Variants in KCNQ5 observed in about 807,000 individuals in gnomAD.
KCNQ5 encodes the protein potassium voltage-gated channel subfamily Q member 5.
A neutral mutation model predicts 98.2 loss-of-function variants in KCNQ5; 30 were observed. The observed-to-expected ratio is 0.31, with a 90% CI of 0.23 to 0.41. The LOEUF (loss-of-function observed/expected upper bound fraction) is 0.41, where lower values mean the gene tolerates loss of function less well. Ranked by LOEUF, KCNQ5 falls within the 10% of genes least tolerant of loss-of-function variation. The probability of loss-of-function intolerance (pLI) is 1.00; values close to 1 mark genes in which losing one functional copy is unlikely to be tolerated. For synonymous variants in KCNQ5, 458 were observed against 449.4 expected (o/e 1.02, Z -0.24); for missense variants, 835 against 1,182.5 (o/e 0.71, Z 4.31).
chr6:72,894,940 G>A (rs543709277), intron 1 of KCNQ5, among the ~76,000 whole-genome samples: 1 of 152,012 alleles, frequency 6.6e-6, no homozygotes, highest in African/African-American at 2.4e-5. Flanking sequence ...TTAGCTGGGA[G>A]TGTCCATGAG....
At chr6:72,903,663 T>C (rs1779592562) in intron 1 of KCNQ5, among the ~76,000 whole-genome samples, 1 of 152,222 alleles carries the variant, frequency 6.6e-6, no homozygotes, top group Non-Finnish European at 1.5e-5. Context: ...TGGAGTTGAC[T>C]TCCAGTTTTA....
At chr6:73,144,510 A>T (rs1206057224) in intron 10 of KCNQ5, among the ~76,000 whole-genome samples, 1 of 152,198 alleles carries the variant, frequency 6.6e-6, no homozygotes, top group Non-Finnish European at 1.5e-5. Flanking sequence ...ATTGATGACT[A>T]ATCATTCCCA....
intron 1 of KCNQ5, among the ~76,000 whole-genome samples, chr6:72,948,952 CTTT>C (rs1243827741): frequency 6.6e-6 from 1 of 152,070 alleles, no homozygotes; most frequent in African/African-American, 2.4e-5. Context: ...CTGAAAAACA[CTTT>C]TTTTATTTTT....
intron 1 of KCNQ5, among the ~76,000 whole-genome samples, chr6:72,824,290 G>T (rs1775885668): frequency 1.3e-5 from 2 of 152,032 alleles, no homozygotes; most frequent in Admixed American, 6.6e-5. Context: ...AATTCCAGCG[G>T]TGGTGGGGTC....
At chr6:72,941,528 CT>C (rs1766279816) in intron 1 of KCNQ5, among the ~76,000 whole-genome samples, 4 of 121,368 alleles carry the variant, frequency 3.3e-5, no homozygotes, top group South Asian at 3.3e-4. Flanking sequence ...TCCTTCCTTC[CT>C]CCTTCCCTCC....
chr6:73,014,299 T>G (rs1471172672), intron 2 of KCNQ5, among the ~76,000 whole-genome samples: 2 of 152,098 alleles, frequency 1.3e-5, no homozygotes, highest in African/African-American at 4.8e-5. Flanking sequence ...AAAAGAGAAC[T>G]CCATTTGATG....
chr6:73,033,212 C>T (rs888957811), intron 2 of KCNQ5, among the ~76,000 whole-genome samples: 1 of 152,080 alleles, frequency 6.6e-6, no homozygotes, highest in Non-Finnish European at 1.5e-5. Context: ...AGGGGGCACC[C>T]ACTTCCTGCC....
intron 5 of KCNQ5, among the ~76,000 whole-genome samples, chr6:73,083,896 T>C (rs575616512): frequency 1.3e-5 from 2 of 152,230 alleles, no homozygotes; most frequent in Non-Finnish European, 2.9e-5. Context: ...AAGTCTGATG[T>C]ATTGTGATTC....
chr6:72,696,762 A>G (rs1485814523), intron 1 of KCNQ5, among the ~76,000 whole-genome samples: 2 of 152,220 alleles, frequency 1.3e-5, no homozygotes, highest in Non-Finnish European at 2.9e-5. Context: ...ACACCTTTGC[A>G]TAGGAACACT....
rs71669816 is a variant in KCNQ5, at chr6:73,034,839, C to CT, written c.490-7073dup. ...GACTAGCTCTACCACTGCCTCTTTT[C>CT]TTTTTTTTTTTTTTTTTTTTTTTTG... is the stretch of plus-strand genomic sequence containing the variant. On this transcript the variant is annotated intron_variant, in intron 2 of 13. Coordinates refer to ENST00000370398, the MANE Select transcript of KCNQ5 (RefSeq NM_019842.4). 3.6e-3 allele frequency among the ~76,000 whole-genome samples: 408 copies of CT among 113,508 alleles called. 5 individuals are homozygous for CT. The highest frequency in any genetic ancestry group is 0.012 in the African/African-American group (400 of 32,280). The allele number at this position is 113,508 out of a possible 152,430, so 74.5% of individuals were successfully genotyped here. A position where few individuals can be genotyped will look rare whatever the true frequency, so the allele number is the denominator to read the frequency against.
chr6:72,886,009 A>G (rs1778830834), intron 1 of KCNQ5, among the ~76,000 whole-genome samples: 2 of 152,192 alleles, frequency 1.3e-5, no homozygotes, highest in South Asian at 4.1e-4. Flanking sequence ...TCACATAAGC[A>G]AAAGAAAATC....
At chr6:73,052,441 A>G (rs555809748) in intron 3 of KCNQ5, among the ~76,000 whole-genome samples, 1 of 152,356 alleles carries the variant, frequency 6.6e-6, no homozygotes, top group South Asian at 2.1e-4. Flanking sequence ...TACTTGTCAG[A>G]TTCTCTAAGG....
chr6:72,967,389 T>C (rs1046474466), intron 1 of KCNQ5, among the ~76,000 whole-genome samples: 3 of 152,156 alleles, frequency 2.0e-5, no homozygotes, highest in Non-Finnish European at 4.4e-5. Flanking sequence ...CAAAAAAATA[T>C]CCCTTTATTT....
At chr6:72,653,689 C>A (rs193150926) in intron 1 of KCNQ5, among the ~76,000 whole-genome samples, 3 of 152,052 alleles carry the variant, frequency 2.0e-5, no homozygotes, top group Non-Finnish European at 4.4e-5. Context: ...ATAGTTAATT[C>A]TCTTGCTAAG....
chr6:72,952,996 G>C (rs1346681248), intron 1 of KCNQ5, among the ~76,000 whole-genome samples: 3 of 152,154 alleles, frequency 2.0e-5, no homozygotes, highest in Admixed American at 6.5e-5. Context: ...ATGTGCTCTT[G>C]AATGCAATAA....
At chr6:72,723,375 T>C (rs1485605299) in intron 1 of KCNQ5, among the ~76,000 whole-genome samples, 2 of 152,230 alleles carry the variant, frequency 1.3e-5, no homozygotes, top group African/African-American at 4.8e-5. Flanking sequence ...GGTATCTAAT[T>C]TTCTTTTTTA....
chr6:72,958,453 A>C (rs546623326), intron 1 of KCNQ5, among the ~76,000 whole-genome samples: 1 of 152,310 alleles, frequency 6.6e-6, no homozygotes, highest in East Asian at 1.9e-4. Context: ...ACATCCCTCC[A>C]TCATATCCAT....
chr6:72,746,885 C>T (rs116411248), intron 1 of KCNQ5, among the ~76,000 whole-genome samples: 9 of 151,950 alleles, frequency 5.9e-5, no homozygotes, highest in Non-Finnish European at 1.0e-4. Flanking sequence ...GTAGTAGTTG[C>T]GGAAAATAAT....
intron 1 of KCNQ5, among the ~76,000 whole-genome samples, chr6:72,724,428 C>G (rs1399747829): frequency 6.6e-6 from 1 of 152,056 alleles, no homozygotes; most frequent in African/African-American, 2.4e-5. Flanking sequence ...TTAAATTTAC[C>G]TGAAAGGCAA....
Sources: allele counts gnomAD v4.1 joint callset (sites outside exome capture counted in the v4.1 genomes callset), GRCh38; gene constraint gnomAD v4.1.1; transcripts MANE v1.5; gene names NCBI Gene and HGNC (gene_info 2026-07-23, HGNC 2026-07-21).